The following JPH3 variants were observed in gnomAD, a reference collection of about 807,000 sequenced individuals.
JPH3 encodes the protein junctophilin 3, also known as junctophilin-3.
A neutral mutation model predicts 59.6 loss-of-function variants in JPH3; 11 were observed. That is an observed-to-expected ratio of 0.18 (90% CI 0.12 to 0.31). The LOEUF (loss-of-function observed/expected upper bound fraction) is 0.31, where lower values mean the gene tolerates loss of function less well. Among genes scored for constraint, JPH3 ranks in the 10% least tolerant of loss-of-function variants. The probability of loss-of-function intolerance (pLI) is 1.00; values close to 1 mark genes in which losing one functional copy is unlikely to be tolerated. For missense variants in JPH3, 1,202 were observed against 1,105.7 expected (o/e 1.09, Z -1.24); for synonymous variants, 673 against 483.6 (o/e 1.39, Z -5.14).
In JPH3 at chr16:87,698,016, C is replaced by G. The variant is rs969572825; in HGVS notation, c.*1356C>G. 6.6e-6 allele frequency: 1 copy of G among 152,632 alleles called. No individual in the cohort carries two copies. Among genetic ancestry groups the G allele is most frequent in the East Asian group, 1.9e-4 (1 of 5,200 alleles). 9.5% of individuals were successfully genotyped at this position (152,632 alleles called of 1,614,324 possible). On this transcript the variant is annotated 3_prime_UTR_variant, in exon 5 of 5. Coordinates refer to ENST00000284262, the MANE Select transcript of JPH3 (RefSeq NM_020655.4). Reference sequence around the variant, plus strand: ...CCATCCGGTCGTCTTGGGGCCAGCCCGTCTTATGGACTCTGCCTTGCTTTG... The same window carrying G: ...CCATCCGGTCGTCTTGGGGCCAGCCGGTCTTATGGACTCTGCCTTGCTTTG...
chr16:87,641,143 T>TG (rs1415477042), intron 1 of JPH3, among the ~76,000 whole-genome samples: 1 of 152,208 alleles, frequency 6.6e-6, no homozygotes, highest in Non-Finnish European at 1.5e-5. Context: ...CTGGGACCTC[T>TG]GGGCAAGAGG....
chr16:87,631,271 G>T (rs1597247244), intron 1 of JPH3, among the ~76,000 whole-genome samples: 1 of 152,226 alleles, frequency 6.6e-6, no homozygotes, highest in Non-Finnish European at 1.5e-5. Flanking sequence ...CCCTCATTTG[G>T]GTGGAGCACA....
chr16:87,659,240 G>C (rs1324586542), intron 2 of JPH3, among the ~76,000 whole-genome samples: 1 of 151,938 alleles, frequency 6.6e-6, no homozygotes, highest in African/African-American at 2.4e-5. Flanking sequence ...AGCCGGGTAT[G>C]GTGGCAGGCA....
rs1437331559 is a variant in JPH3, at chr16:87,696,888, T to C, written c.*228T>C. 1.2e-5 allele frequency: 6 copies of C among 521,618 alleles called. No homozygotes were observed. The highest frequency in any genetic ancestry group is 3.1e-5 in the Admixed American group (1 of 31,846). The allele number at this position is 521,618 out of a possible 1,614,324, so 32.3% of individuals were successfully genotyped here. The stretch of plus-strand genomic sequence containing the variant: ...TTTGCTTGTATAACACTCTGCTGTG[T>C]GGCATGGCAGAAGGAGGCCAGCACG... On this transcript the variant is annotated 3_prime_UTR_variant, in exon 5 of 5. Coordinates refer to ENST00000284262, the MANE Select transcript of JPH3 (RefSeq NM_020655.4).
At chr16:87,604,937 G>C (rs1448046889) in intron 1 of JPH3, 2 of 452,132 alleles carry the variant, frequency 4.4e-6, no homozygotes, top group East Asian at 1.4e-4. Flanking sequence ...GCTGAGGGCC[G>C]GGCGGGAGCA....
At chr16:87,653,409 G>C (rs529017188) in intron 2 of JPH3, among the ~76,000 whole-genome samples, 19 of 152,222 alleles carry the variant, frequency 1.2e-4, no homozygotes, top group African/African-American at 4.6e-4. Flanking sequence ...GCCATGCCTG[G>C]AGCTGAGGGT....
Position 87,611,300 on chromosome 16 carries a change from G to GGT in JPH3, c.382+7781_382+7782dup, listed in dbSNP as rs2030724046. Among the ~76,000 whole-genome samples the GGT allele has an allele frequency of 6.6e-6, 1 of 152,196 alleles. No individual in the cohort carries two copies. The highest frequency in any genetic ancestry group is 2.4e-5 in the African/African-American group (1 of 41,450). On this transcript the variant is annotated intron_variant, in intron 1 of 4. Coordinates refer to ENST00000284262, the MANE Select transcript of JPH3 (RefSeq NM_020655.4). This position sits in a 1 kb window ranked among gnomAD's most constrained non-coding sequence, Gnocchi z 4.5. ...CAGGGACCTGAGGAGGGGCAGGGCA[G>GGT]GTGTGTGTGTCCCTGAAGGAGCGGC... is the stretch of plus-strand genomic sequence containing the variant.
intron 4 of JPH3, chr16:87,696,283 C>T (rs1056472726): frequency 1.1e-4 from 54 of 502,816 alleles, no homozygotes; most frequent in Non-Finnish European, 1.7e-4. Flanking sequence ...TGGTTCTCTC[C>T]AAGGGGACCC....
At chr16:87,633,738 G>A (rs1225120445) in intron 1 of JPH3, among the ~76,000 whole-genome samples, 1 of 152,010 alleles carries the variant, frequency 6.6e-6, no homozygotes. Context: ...GGCGGAGGTT[G>A]CAGGGAGCCA....
rs2031024328 is a variant in JPH3 at position 87,617,733 on chromosome 16, A to G, written c.382+14205A>G. ...TTGGAGAAGGAGCAGGTGCAGGTGC[A>G]GGAGCTGAGAGTCACCTGTGAAACA... On this transcript the variant is annotated intron_variant, in intron 1 of 4. Coordinates refer to ENST00000284262, the MANE Select transcript of JPH3 (RefSeq NM_020655.4). Among the ~76,000 whole-genome samples the G allele has an allele frequency of 3.9e-5, 6 of 152,088 alleles. No individual in the cohort carries two copies. The South Asian group carries it at 1.2e-3, about 32-fold the overall frequency.
intron 2 of JPH3, among the ~76,000 whole-genome samples, chr16:87,673,710 G>A (rs1295948820): frequency 6.6e-6 from 1 of 152,148 alleles, no homozygotes; most frequent in Non-Finnish European, 1.5e-5. Context: ...AGGATCACCT[G>A]AGGTCAGGAG....
At chr16:87,692,280 G>A (rs2033610899) in intron 4 of JPH3, among the ~76,000 whole-genome samples, 1 of 151,162 alleles carries the variant, frequency 6.6e-6, no homozygotes, top group Non-Finnish European at 1.5e-5. Flanking sequence ...GAGATGGTGT[G>A]TAGAGGCGCG....
At chr16:87,604,516 T>C (rs2030434295) in intron 1 of JPH3, 1 of 1,292,764 alleles carries the variant, frequency 7.7e-7, no homozygotes, top group Admixed American at 2.8e-5. Context: ...TCAGAGGCAC[T>C]GGGTCCTCTG....
intron 2 of JPH3, among the ~76,000 whole-genome samples, chr16:87,667,454 C>T (rs968492065): frequency 2.6e-5 from 4 of 152,214 alleles, no homozygotes; most frequent in Admixed American, 1.3e-4. Context: ...CCCGACTTCC[C>T]CAGCCCTGTT....
At chr16:87,674,130 C>G (rs7191103) in intron 2 of JPH3, among the ~76,000 whole-genome samples, 38,393 of 151,228 alleles carry the variant, frequency 0.25, 5,219 homozygotes, top group East Asian at 0.45. Flanking sequence ...GTCAGGAGAT[C>G]GAGACCATCC....
intron 2 of JPH3, among the ~76,000 whole-genome samples, chr16:87,663,729 C>G (rs1271895738): frequency 6.6e-6 from 1 of 152,208 alleles, no homozygotes; most frequent in African/African-American, 2.4e-5. Flanking sequence ...CCACTCTGCA[C>G]CAGCTCTCCA....
intron 1 of JPH3, among the ~76,000 whole-genome samples, chr16:87,633,566 C>T (rs2031634291): frequency 6.6e-6 from 1 of 151,904 alleles, no homozygotes; most frequent in Non-Finnish European, 1.5e-5. Flanking sequence ...CTTTGGGAGG[C>T]CGAGGCAGGC....
intron 1 of JPH3, among the ~76,000 whole-genome samples, chr16:87,643,482 C>T (rs1235134210): frequency 1.3e-5 from 2 of 151,972 alleles, no homozygotes; most frequent in African/African-American, 2.4e-5. Context: ...ATGGTGTGTC[C>T]ACTGTGTGGT....
intron 3 of JPH3, among the ~76,000 whole-genome samples, chr16:87,687,357 G>A (rs2033443478): frequency 6.6e-6 from 1 of 152,218 alleles, no homozygotes; most frequent in African/African-American, 2.4e-5. Context: ...GGCCATGCCG[G>A]CTTCTAGAGA....
Sources: allele counts gnomAD v4.1 joint callset (sites outside exome capture counted in the v4.1 genomes callset), GRCh38; gene constraint gnomAD v4.1.1; non-coding constraint Gnocchi (gnomAD v3.1); transcripts MANE v1.5; gene names NCBI Gene and HGNC (gene_info 2026-07-23, HGNC 2026-07-21).